The following ASTN2 variants were observed in gnomAD, a reference collection of about 807,000 sequenced individuals.
ASTN2 encodes the protein astrotactin-2.
In ASTN2, 54 loss-of-function variants were observed where a neutral mutation model predicts 139.8. The observed-to-expected ratio is 0.39, with a 90% CI of 0.31 to 0.48. The LOEUF (loss-of-function observed/expected upper bound fraction) is 0.48. Ranked by LOEUF, ASTN2 falls within the 20% of genes least tolerant of loss-of-function variation. The pLI, the probability that ASTN2 is intolerant of heterozygous loss-of-function variation, is 0.95. For missense variants in ASTN2, 1,565 were observed against 1,725.1 expected (o/e 0.91, Z 1.64); for synonymous variants, 756 against 719.5 (o/e 1.05, Z -0.81).
At chr9:117,075,869 C>T (rs1828267925) in intron 5 of ASTN2, among the ~76,000 whole-genome samples, 1 of 152,108 alleles carries the variant, frequency 6.6e-6, no homozygotes. Context: ...AGGACAAGAT[C>T]TCATATTGTA....
chr9:117,056,211 A>G (rs1175219128), intron 5 of ASTN2, among the ~76,000 whole-genome samples: 3 of 152,216 alleles, frequency 2.0e-5, no homozygotes, highest in Non-Finnish European at 4.4e-5. Flanking sequence ...CCCCACAGAA[A>G]CTGTTAGATA....
At position 116,442,474 on chromosome 9, in the gene ASTN2, C is replaced by T; in HGVS notation, c.3577G>A (p.Val1193Ile). Residue 1193 changes from valine (V) to isoleucine (I), a missense_variant, in exon 21 of 23, where the codon GTA (valine) becomes ATA (isoleucine). Val to Ile is a conservative substitution (Grantham distance 29). This residue lies in a region of ASTN2 where 418 missense variants were observed against 465.8 expected (regional missense o/e 0.90). Coordinates refer to ENST00000313400, the MANE Select transcript of ASTN2 (RefSeq NM_001365068.1). The stretch of plus-strand genomic sequence containing the variant: ...CTACCTTCTGCCTTGTTGTCATCTA[C>T]CAGTGGACAGGCCGTCCTCAGGGTC... ...TVTLRTACPL[V>I]DDNKAEEIAD... 1 of 1,614,046 alleles carries T rather than the reference C, an allele frequency of 6.2e-7. No homozygotes were observed. Among genetic ancestry groups the T allele is most frequent in the East Asian group, 2.2e-5 (1 of 44,868 alleles).
At chr9:116,870,033 C>G (rs961407971) in intron 10 of ASTN2, among the ~76,000 whole-genome samples, 4 of 151,458 alleles carry the variant, frequency 2.6e-5, no homozygotes, top group Non-Finnish European at 5.9e-5. Context: ...ATTGCTTGAG[C>G]CTGGCAAGTT....
intron 11 of ASTN2, among the ~76,000 whole-genome samples, chr9:116,852,243 T>C (rs1282133752): frequency 3.3e-5 from 5 of 152,214 alleles, no homozygotes; most frequent in African/African-American, 7.2e-5. Flanking sequence ...TGCTCATGCC[T>C]GGCTACTTTC....
At chr9:116,555,555 C>T (rs1852571126) in intron 19 of ASTN2, among the ~76,000 whole-genome samples, 1 of 152,112 alleles carries the variant, frequency 6.6e-6, no homozygotes. Context: ...CACCCCAGGC[C>T]ATCAGAGCTC....
intron 10 of ASTN2, among the ~76,000 whole-genome samples, chr9:116,959,824 C>T (rs1383666692): frequency 6.6e-6 from 1 of 152,128 alleles, no homozygotes; most frequent in Non-Finnish European, 1.5e-5. Flanking sequence ...GCAAGGGTCT[C>T]GCTCCAGTGC....
intron 19 of ASTN2, chr9:116,545,864 A>T (rs1205721127): frequency 1.3e-5 from 2 of 152,194 alleles, no homozygotes; most frequent in African/African-American, 4.8e-5. Context: ...CATCTCTCTG[A>T]GTCCCTGTGA....
chr9:116,720,590 T>C (rs113034889), intron 16 of ASTN2, among the ~76,000 whole-genome samples: 2,777 of 151,690 alleles, frequency 0.018, 86 homozygotes, highest in African/African-American at 0.063. Flanking sequence ...GCCTTTCTTT[T>C]CCTCTCTTTC....
chr9:117,243,910 T>C (rs906940960), intron 2 of ASTN2, among the ~76,000 whole-genome samples: 2 of 152,110 alleles, frequency 1.3e-5, no homozygotes, highest in Non-Finnish European at 2.9e-5. Context: ...TTAGTTTTTG[T>C]GTCCCCACCA....
intron 10 of ASTN2, among the ~76,000 whole-genome samples, chr9:116,893,531 C>T (rs988089009): frequency 2.0e-5 from 3 of 152,062 alleles, no homozygotes; most frequent in African/African-American, 7.3e-5. Context: ...CAGCCTCAGT[C>T]CCCCAGTTGT....
intron 2 of ASTN2, among the ~76,000 whole-genome samples, chr9:117,238,117 T>C (rs891217073): frequency 6.6e-6 from 1 of 152,178 alleles, no homozygotes; most frequent in African/African-American, 2.4e-5. Context: ...GAGGCTGTTT[T>C]AATAATGATA....
intron 19 of ASTN2, among the ~76,000 whole-genome samples, chr9:116,569,782 T>A (rs1853418122): frequency 6.6e-6 from 1 of 152,152 alleles, no homozygotes; most frequent in Non-Finnish European, 1.5e-5. Context: ...AGCAGGAACT[T>A]TGGGAATCAG....
At chr9:116,897,792 T>C (rs59617389) in intron 10 of ASTN2, among the ~76,000 whole-genome samples, 3,703 of 152,064 alleles carry the variant, frequency 0.024, 135 homozygotes, top group African/African-American at 0.082. Context: ...CATTACAGCA[T>C]TCCTATGGGT....
intron 16 of ASTN2, among the ~76,000 whole-genome samples, chr9:116,722,633 G>C (rs554193634): frequency 2.0e-5 from 3 of 152,230 alleles, no homozygotes; most frequent in Non-Finnish European, 4.4e-5. Context: ...TCCTGTAATG[G>C]GGGAAGTGAG....
chr9:116,969,309 C>T (rs967995623), intron 10 of ASTN2, among the ~76,000 whole-genome samples: 4 of 152,156 alleles, frequency 2.6e-5, no homozygotes, highest in African/African-American at 9.7e-5. Context: ...GGTACATAAT[C>T]CTCTTTGTGC....
intron 13 of ASTN2, among the ~76,000 whole-genome samples, chr9:116,775,848 G>A (rs1830076665): frequency 6.6e-6 from 1 of 151,926 alleles, no homozygotes; most frequent in Non-Finnish European, 1.5e-5. Flanking sequence ...AGGCAGGCAG[G>A]CAGGCAGGCA....
intron 6 of ASTN2, among the ~76,000 whole-genome samples, chr9:117,010,292 T>C (rs1837482222): frequency 6.6e-6 from 1 of 152,100 alleles, no homozygotes; most frequent in Non-Finnish European, 1.5e-5. Flanking sequence ...ACATGTCACA[T>C]GGGTCCTTGA....
chr9:116,916,035 T>C (rs1834437014), intron 10 of ASTN2, among the ~76,000 whole-genome samples: 2 of 152,194 alleles, frequency 1.3e-5, no homozygotes, highest in Non-Finnish European at 2.9e-5. Context: ...TTGTCAGAAC[T>C]GAATTAAATT....
chr9:117,167,996 G>A (rs1830707916), intron 3 of ASTN2, among the ~76,000 whole-genome samples: 1 of 152,094 alleles, frequency 6.6e-6, no homozygotes, highest in Admixed American at 6.6e-5. Flanking sequence ...CAGGGCAGTG[G>A]GCAGTATGAT....
Sources: gnomAD v4.1 joint callset for allele counts (sites outside exome capture counted in the v4.1 genomes callset) on GRCh38, gnomAD v4.1.1 for gene constraint, gnomAD v4.1.1 regional missense constraint, MANE v1.5 for transcripts, NCBI Gene and HGNC (gene_info 2026-07-23, HGNC 2026-07-21) for gene names.